Variants in IQCH observed in about 807,000 individuals in gnomAD.
IQCH encodes the protein IQ domain-containing protein H.
In IQCH, 98 loss-of-function variants were observed where a neutral mutation model predicts 117.0. The observed-to-expected ratio is 0.84, with a 90% CI of 0.71 to 0.99. IQCH has a LOEUF of 0.99. Ranked by LOEUF, IQCH falls within the 50% of genes least tolerant of loss-of-function variation. The pLI is 0.00. For missense variants in IQCH, 1,102 were observed against 1,243.8 expected (o/e 0.89, Z 1.72); for synonymous variants, 412 against 448.2 (o/e 0.92, Z 1.02).
At chr15:67,380,625 T>C (rs1970895484) in intron 10 of IQCH, among the ~76,000 whole-genome samples, 1 of 152,252 alleles carries the variant, frequency 6.6e-6, no homozygotes, top group South Asian at 2.1e-4. Flanking sequence ...TGTCTTCTTA[T>C]TTTTCTACCA....
chr15:67,288,090 T>C (rs369650713), intron 4 of IQCH, among the ~76,000 whole-genome samples: 1 of 152,146 alleles, frequency 6.6e-6, no homozygotes, highest in African/African-American at 2.4e-5. Context: ...TTTTATTCCA[T>C]TGTGGTCAGA....
chr15:67,306,319 C>T (rs1036839284), intron 4 of IQCH, among the ~76,000 whole-genome samples: 1 of 152,034 alleles, frequency 6.6e-6, no homozygotes, highest in African/African-American at 2.4e-5. Context: ...AAAGCACTTA[C>T]CCAAACTAGA....
chr15:67,375,279 T>C (rs1015296459), intron 10 of IQCH, among the ~76,000 whole-genome samples: 1 of 152,006 alleles, frequency 6.6e-6, no homozygotes, highest in African/African-American at 2.4e-5. Flanking sequence ...TTTCAAAAAT[T>C]AGCGAGGCAT....
rs527630251 is a variant in IQCH at position 67,412,327 on chromosome 15, A to G, written c.2098-4604A>G. ...CTCTGAAACACTGATGTGGTCGCCC[A>G]TCGTCCATCACCTTGTTGTTACTCA... On this transcript the variant is annotated intron_variant, in intron 14 of 20. Coordinates refer to ENST00000335894, the MANE Select transcript of IQCH (RefSeq NM_001031715.3). Among the ~76,000 whole-genome samples the G allele has an allele frequency of 5.9e-5, 9 of 152,336 alleles. No individual in the cohort carries two copies. The South Asian group carries it at 1.9e-3, about 32-fold the overall frequency.
rs1425329021 is a variant in IQCH at position 67,407,345 on chromosome 15, C to T, written c.2097+7040C>T. ...GTATTTTCTAATTAGTGTAGCAGCA[C>T]GTCACCACAATCATTGGAAAGTCTT... On this transcript the variant is annotated intron_variant, in intron 14 of 20. Transcript: ENST00000335894. This position sits in a 1 kb window ranked among gnomAD's most constrained non-coding sequence, Gnocchi z 5.3. 6.6e-6 allele frequency: 1 copy of T among 152,178 alleles called. No homozygotes were observed. The highest frequency in any genetic ancestry group is 2.4e-5 in the African/African-American group (1 of 41,436). The allele number at this position is 152,178 out of a possible 1,614,324, so 9.4% of individuals were successfully genotyped here.
At chr15:67,415,788 G>A (rs896606445) in intron 14 of IQCH, among the ~76,000 whole-genome samples, 1 of 152,116 alleles carries the variant, frequency 6.6e-6, no homozygotes, top group African/African-American at 2.4e-5. Flanking sequence ...TCTTGTCAGT[G>A]CTCCATATTT....
rs2081453494 is a variant in IQCH at position 67,411,629 on chromosome 15, CTGTA to C, written c.2098-5298_2098-5295del. 4.3e-5 allele frequency among the ~76,000 whole-genome samples: 6 copies of C among 138,800 alleles called. No homozygotes were observed. The South Asian group carries it at 1.8e-3, about 42-fold the overall frequency. The allele number at this position is 138,800 out of a possible 152,430, so 91.1% of individuals were successfully genotyped here. On this transcript the variant is annotated intron_variant, in intron 14 of 20. Transcript: ENST00000335894. The surrounding 1 kb of genome is among the most constrained non-coding windows in gnomAD (Gnocchi z 4.4). ...ATGACCCAATTACACCAATGTGTGT[CTGTA>C]TGTGTGTATGTGTGTGTAATACACA...
Position 67,493,902 on chromosome 15 carries a change from T to C in IQCH, c.2862-356T>C, listed in dbSNP as rs1273282482. On this transcript the variant is annotated intron_variant, in intron 19 of 20. Coordinates refer to ENST00000335894, the MANE Select transcript of IQCH (RefSeq NM_001031715.3). This position sits in a 1 kb window ranked among gnomAD's most constrained non-coding sequence, Gnocchi z 5.1. ...CAGTTCCCACCTATGAGTGAGAACA[T>C]GCGGTGTTTGGTTTTCTGTCCTTGC... Among the ~76,000 whole-genome samples the C allele has an allele frequency of 1.3e-5, 2 of 152,278 alleles. No homozygotes were observed. Among genetic ancestry groups the C allele is most frequent in the South Asian group, 2.1e-4 (1 of 4,816 alleles).
rs1167655678 is a variant in IQCH, at chr15:67,413,912, G to A, written c.2098-3019G>A. Among the ~76,000 whole-genome samples the A allele has an allele frequency of 6.6e-6, 1 of 152,206 alleles. No homozygotes were observed. Among genetic ancestry groups the A allele is most frequent in the African/African-American group, 2.4e-5 (1 of 41,448 alleles). ...CTCCAAGCGTCAAAGCAGAATGGCT[G>A]GCTTTGTGATCAGAGGCGGTGGCAG... On this transcript the variant is annotated intron_variant, in intron 14 of 20. Transcript: ENST00000335894. This position sits in a 1 kb window ranked among gnomAD's most constrained non-coding sequence, Gnocchi z 5.0.
intron 4 of IQCH, among the ~76,000 whole-genome samples, chr15:67,303,065 C>T (rs1174716721): frequency 1.3e-5 from 2 of 152,194 alleles, no homozygotes; most frequent in Admixed American, 6.5e-5. Flanking sequence ...ATGAACAAAT[C>T]TGTCCAATTC....
At chr15:67,288,069 T>C (rs1966629090) in intron 4 of IQCH, among the ~76,000 whole-genome samples, 1 of 152,142 alleles carries the variant, frequency 6.6e-6, no homozygotes, top group African/African-American at 2.4e-5. Flanking sequence ...ATTTTTGTTA[T>C]TGATCTCTAG....
chr15:67,279,855 A>G (rs924951738), intron 4 of IQCH, among the ~76,000 whole-genome samples: 1 of 152,036 alleles, frequency 6.6e-6, no homozygotes, highest in African/African-American at 2.4e-5. Flanking sequence ...ACAAAAAATT[A>G]TCCGGGCGTG....
chr15:67,388,752 A>G lies in IQCH; in HGVS notation c.1457-79A>G. The G allele has an allele frequency of 4.8e-6, 6 of 1,262,008 alleles. No individual in the cohort carries two copies. Among genetic ancestry groups the G allele is most frequent in the Non-Finnish European group, 5.7e-6 (5 of 879,730 alleles). 78.2% of individuals were successfully genotyped at this position (1,262,008 alleles called of 1,614,324 possible). On this transcript the variant is annotated intron_variant, in intron 11 of 20. Transcript: ENST00000335894. This position sits in a 1 kb window ranked among gnomAD's most constrained non-coding sequence, Gnocchi z 5.5. ...GGATATGCTCTTTATTTTAAACTGC[A>G]CAACACCAATCGGATGCCAGAGTTC... is the stretch of plus-strand genomic sequence containing the variant.
At chr15:67,399,297 T>A (rs762048670) in intron 13 of IQCH, among the ~76,000 whole-genome samples, 7 of 151,912 alleles carry the variant, frequency 4.6e-5, no homozygotes, top group Non-Finnish European at 1.0e-4. Flanking sequence ...CCTCATAGAT[T>A]ATGGTATTAA....
Position 67,465,774 on chromosome 15 carries a change from C to T in IQCH, c.2676+477C>T, listed in dbSNP as rs1420590032. ...ATCAGGCCAGAGGCTGATAAGATAA[C>T]CCCCAGCCCCACATCCAGTCAGCAA... On this transcript the variant is annotated intron_variant, in intron 17 of 20. Transcript: ENST00000335894. This position sits in a 1 kb window ranked among gnomAD's most constrained non-coding sequence, Gnocchi z 5.9. 2.6e-5 allele frequency among the ~76,000 whole-genome samples: 4 copies of T among 152,166 alleles called. No individual in the cohort carries two copies. The highest frequency in any genetic ancestry group is 5.9e-5 in the Non-Finnish European group (4 of 68,032).
chr15:67,498,628 A>AAAGTT, intron 20 of IQCH, among the ~76,000 whole-genome samples: 1 of 148,862 alleles, frequency 6.7e-6, no homozygotes, highest in African/African-American at 2.5e-5. Context: ...AAAAAAAAAA[A>AAAGTT]TAAGTTAAAA....
At chr15:67,267,871 A>G (rs1965741123) in intron 3 of IQCH, among the ~76,000 whole-genome samples, 3 of 152,222 alleles carry the variant, frequency 2.0e-5, no homozygotes, top group Non-Finnish European at 4.4e-5. Context: ...ACAGATATGC[A>G]ATAATGATCA....
At position 67,473,494 on chromosome 15, in the gene IQCH, T is replaced by C. The variant is rs1160527206; in HGVS notation, c.2677-2202T>C. 6.6e-6 allele frequency among the ~76,000 whole-genome samples: 1 copy of C among 152,250 alleles called. No homozygotes were observed. Among genetic ancestry groups the C allele is most frequent in the Non-Finnish European group, 1.5e-5 (1 of 68,044 alleles). ...GATGGTGTGACTGTCCCCTGTGCCA[T>C]GTAATAATCACCTGCTTTTGCTCCA... On this transcript the variant is annotated intron_variant, in intron 17 of 20. Coordinates refer to ENST00000335894, the MANE Select transcript of IQCH (RefSeq NM_001031715.3). The surrounding 1 kb of genome is among the most constrained non-coding windows in gnomAD (Gnocchi z 4.9).
intron 16 of IQCH, among the ~76,000 whole-genome samples, chr15:67,460,551 A>G (rs1295697621): frequency 6.6e-6 from 1 of 152,224 alleles, no homozygotes; most frequent in Non-Finnish European, 1.5e-5. Context: ...CAAGTGTTTC[A>G]GTAATATAGG....
Sources: gnomAD v4.1 joint callset for allele counts (sites outside exome capture counted in the v4.1 genomes callset) on GRCh38, gnomAD v4.1.1 for gene constraint, Gnocchi (gnomAD v3.1) non-coding constraint, MANE v1.5 for transcripts, NCBI Gene and HGNC (gene_info 2026-07-23, HGNC 2026-07-21) for gene names.